ZNF219: variants seen among roughly 807,000 people sequenced by gnomAD.
ZNF219 encodes the protein zinc finger protein 219.
In ZNF219, 17 loss-of-function variants were observed where a neutral mutation model predicts 54.4. That is an observed-to-expected ratio of 0.31 (90% CI 0.21 to 0.47). The LOEUF (loss-of-function observed/expected upper bound fraction) is 0.47. Among genes scored for constraint, ZNF219 ranks in the 20% least tolerant of loss-of-function variants. The pLI is 1.00. For synonymous variants in ZNF219, 518 were observed against 476.4 expected (o/e 1.09, Z -1.14); for missense variants, 1,014 against 1,062.3 (o/e 0.95, Z 0.63).
In ZNF219 at chr14:21,091,010, C is replaced by T; in HGVS notation, c.1695G>A (p.Pro565=). 2 of 1,552,014 alleles carry T rather than the reference C, an allele frequency of 1.3e-6. No individual in the cohort carries two copies. The highest frequency in any genetic ancestry group is 8.7e-7 in the Non-Finnish European group (1 of 1,155,398). The change falls in exon 5 of 5, where the codon CCG becomes CCA. Residue 565 remains proline, a synonymous_variant. Transcript: ENST00000360947. ...GGGCCGAACCCCGCTGGGAAGGAGG[C>T]GGTGGCTCCGGGGGTGGCCCGGGGC... ...GAGPGPPPEP[P]PPSQRGSAPQ...
chr14:21,093,348 G>C, intron 2 of ZNF219, 58 bp from the exon 3 acceptor site: 1 of 1,516,136 alleles, frequency 6.6e-7, no homozygotes. Flanking sequence ...AAGGAAGCAA[G>C]GGCGTCGCCT....
chr14:21,092,155 T>G lies in ZNF219; in HGVS notation c.1142A>C (p.Tyr381Ser). 1 of 1,474,834 alleles carries G rather than the reference T, an allele frequency of 6.8e-7. No individual in the cohort carries two copies. Among genetic ancestry groups the G allele is most frequent in the Non-Finnish European group, 8.9e-7 (1 of 1,118,222 alleles). 91.4% of individuals were successfully genotyped at this position (1,474,834 alleles called of 1,614,324 possible). A position where few individuals can be genotyped will look rare whatever the true frequency, so the allele number is the denominator to read the frequency against. The change falls in exon 3 of 5, where the codon TAC becomes TCC. Residue 381 changes from tyrosine (Y) to serine (S), a missense_variant. Around this residue, in one of 5 missense-constraint regions of ZNF219, gnomAD observed 272 missense variants for 248.9 expected, o/e 1.09. Transcript: ENST00000360947. ...ERREPPSLLGYLSLRAGEGRP... is the reference protein window; with the variant it reads ...ERREPPSLLGSLSLRAGEGRP... The stretch of plus-strand genomic sequence containing the variant: ...GCCCTCGCCAGCTCGCAGGCTCAGG[T>G]AGCCCAAGAGGCTCGGGGGCTCACG...
chr14:21,090,482 G>C lies in ZNF219; in HGVS notation c.*54C>G. On this transcript the variant is annotated 3_prime_UTR_variant, in exon 5 of 5. Coordinates refer to ENST00000360947, the MANE Select transcript of ZNF219 (RefSeq NM_016423.3). The surrounding 1 kb of genome is among the most constrained non-coding windows in gnomAD (Gnocchi z 4.4). Reference sequence around the variant, plus strand: ...GCTTCTCTACCCAACTACCTCTAGCGCTCCCCCGCTCCGGCGGGGTAAGCT... The same window carrying C: ...GCTTCTCTACCCAACTACCTCTAGCCCTCCCCCGCTCCGGCGGGGTAAGCT... The C allele has an allele frequency of 1.3e-6, 2 of 1,529,132 alleles. No homozygotes were observed. Among genetic ancestry groups the C allele is most frequent in the East Asian group, 4.5e-5 (2 of 43,966 alleles). 94.7% of individuals were successfully genotyped at this position (1,529,132 alleles called of 1,614,324 possible).
chr14:21,101,291 T>A, upstream of ZNF219: 2 of 1,502,378 alleles, frequency 1.3e-6, no homozygotes, highest in South Asian at 2.4e-5. Flanking sequence ...ACAGAACCTA[T>A]AACGCATTTT....
chr14:21,095,463 C>T (rs926727155), intron 1 of ZNF219, among the ~76,000 whole-genome samples: 2 of 152,240 alleles, frequency 1.3e-5, no homozygotes, highest in African/African-American at 4.8e-5. Context: ...ATCACTTAAC[C>T]TCCCAGTTTA....
At chr14:21,091,584 C>G (rs757327906) in intron 3 of ZNF219, 42 bp from the exon 4 acceptor site, 2 of 1,572,236 alleles carry the variant, frequency 1.3e-6, no homozygotes, top group East Asian at 4.6e-5. Context: ...GGGCCCACAC[C>G]CTGTCCAGGT....
At position 21,091,483 on chromosome 14, in the gene ZNF219, T is replaced by G. The variant is rs1311728296; in HGVS notation, c.1492A>C (p.Lys498Gln). The change falls in exon 4 of 5, where the codon AAG becomes CAG. Residue 498 changes from lysine to glutamine, a missense_variant. Lys to Gln is a moderately conservative substitution (Grantham distance 53). This residue lies in a region of ZNF219 where 38 missense variants were observed against 67.3 expected (regional missense o/e 0.56). Transcript: ENST00000360947. ...GATTTTCCGCAGAAAGGACAATCCT[T>G]GCCGGTGGCGCCCCGGCCCCCTTCA... ...RPEGGRGATG[K>Q]DCPFCGKSFR... 1.4e-5 allele frequency: 22 copies of G among 1,610,086 alleles called. No homozygotes were observed. The highest frequency in any genetic ancestry group is 1.9e-5 in the Non-Finnish European group (22 of 1,177,146).
Position 21,098,338 on chromosome 14 carries a change from GGGCGGCGGCGGCGGCGGC to G in ZNF219, c.-128_-111del, listed in dbSNP as rs907341179. 8.0e-5 allele frequency: 19 copies of G among 238,924 alleles called. No individual in the cohort carries two copies. The highest frequency in any genetic ancestry group is 1.4e-4 in the South Asian group (1 of 7,404). The allele number at this position is 238,924 out of a possible 1,614,324, so 14.8% of individuals were successfully genotyped here. On this transcript the variant is annotated 5_prime_UTR_variant, in exon 1 of 5. Transcript: ENST00000360947. Reference sequence around the variant, plus strand: ...AGCCCCGGGCGGGCGGCGGCGGAGCGGGCGGCGGCGGCGGCGGCGGCGGCGGGCGGCGGGCCGGCGGCG... The same window carrying G: ...AGCCCCGGGCGGGCGGCGGCGGAGCGGGCGGCGGGCGGCGGGCCGGCGGCG...
At chr14:21,101,934 T>G, upstream of ZNF219, 1 of 1,551,636 alleles carries the variant, frequency 6.4e-7, no homozygotes, top group Non-Finnish European at 8.7e-7. Flanking sequence ...GAACTCTGAT[T>G]GTCACATGGC....
chr14:21,094,273 G>A (rs1446683260), intron 1 of ZNF219: 5 of 432,164 alleles, frequency 1.2e-5, no homozygotes, highest in African/African-American at 1.0e-4. Context: ...ACAGACAGAG[G>A]GGGAGGGGCA....
chr14:21,101,412 G>A, upstream of ZNF219: 1 of 1,551,610 alleles, frequency 6.4e-7, no homozygotes, highest in Non-Finnish European at 8.7e-7. Flanking sequence ...TACAACACTG[G>A]GCAAGGCACA....
chr14:21,101,254 G>A (rs1029283002), upstream of ZNF219: 17 of 1,212,532 alleles, frequency 1.4e-5, no homozygotes, highest in Middle Eastern at 1.9e-4. Context: ...TGAAAGATAC[G>A]TTGTTGCATG....
chr14:21,093,510 A>G (rs901383535), intron 2 of ZNF219, 76 bp downstream of exon 2: 15 of 1,529,668 alleles, frequency 9.8e-6, no homozygotes, highest in Non-Finnish European at 1.4e-5. Context: ...TGGGAGGTCA[A>G]AGAGAGAGAG....
chr14:21,093,146 G>T lies in ZNF219; in HGVS notation c.151C>A (p.Arg51Ser), dbSNP rs1462298682. 6.2e-7 allele frequency: 1 copy of T among 1,610,538 alleles called. No individual in the cohort carries two copies. Among genetic ancestry groups the T allele is most frequent in the Admixed American group, 1.7e-5 (1 of 59,900 alleles). Residue 51 changes from arginine (R) to serine (S), a missense_variant, in exon 3 of 5, where the codon CGT becomes AGT. By Grantham distance (110) the Arg-to-Ser change is moderately radical. This residue lies in a region of ZNF219 where 395 missense variants were observed against 415.1 expected (regional missense o/e 0.95). Transcript: ENST00000360947. The part of the protein sequence containing the change: ...GMGAVSWSES[R>S]AGERRFPCPV... ...CAGGGGAAGCGCCGTTCGCCTGCAC[G>T]ACTCTCAGACCAGCTCACCGCTCCC... is the stretch of plus-strand genomic sequence containing the variant.
In ZNF219 at chr14:21,092,215, A is replaced by G; in HGVS notation, c.1082T>C (p.Leu361Pro). 1.4e-6 allele frequency: 2 copies of G among 1,437,358 alleles called. No homozygotes were observed. Among genetic ancestry groups the G allele is most frequent in the Non-Finnish European group, 1.8e-6 (2 of 1,101,928 alleles). The allele number at this position is 1,437,358 out of a possible 1,614,324, so 89.0% of individuals were successfully genotyped here. ...CGGGGTGGGAGCCGGGGCCAAGAGG[A>G]GCGCTGGGCCCAACGGCTCATAGGC... ...LLAYEPLGPA[L>P]LLAPAPTPAE... Residue 361 changes from leucine (L) to proline (P), a missense_variant, in exon 3 of 5, where the codon CTC becomes CCC. Physicochemically the swap from Leu to Pro is moderately conservative, Grantham distance 98. This residue lies in a region of ZNF219 where 272 missense variants were observed against 248.9 expected (regional missense o/e 1.09). Coordinates refer to ENST00000360947, the MANE Select transcript of ZNF219 (RefSeq NM_016423.3).
upstream of ZNF219, chr14:21,103,366 A>T: frequency 6.9e-7 from 1 of 1,449,308 alleles, no homozygotes; most frequent in Non-Finnish European, 9.1e-7. Flanking sequence ...TTTTCACTCA[A>T]AGCAGGCCCT....
Position 21,092,922 on chromosome 14 carries a change from C to T in ZNF219, c.375G>A (p.Glu125=), listed in dbSNP as rs769888047. Residue 125 remains glutamate (E), a synonymous_variant, in exon 3 of 5, where the codon GAG becomes GAA. Coordinates refer to ENST00000360947, the MANE Select transcript of ZNF219 (RefSeq NM_016423.3). ...GTCGGGCCTCGCGTAGTAGCGCGCG[C>T]TCTTCCAACTCCAGCAACAGGCGTG... is the stretch of plus-strand genomic sequence containing the variant. ...PAARLLLELE[E]RALLREARLG... is the part of the protein sequence containing the mutation. 6.4e-7 allele frequency: 1 copy of T among 1,563,780 alleles called. No individual in the cohort carries two copies.
At chr14:21,093,823 C>G (rs1340780360) in intron 1 of ZNF219, 149 bp from the exon 2 acceptor site, 13 of 680,388 alleles carry the variant, frequency 1.9e-5, no homozygotes, top group South Asian at 1.5e-4. Context: ...GGCTGCTATA[C>G]TCAAAAACTG....
At chr14:21,097,208 A>G (rs1202460205) in intron 1 of ZNF219, 1 of 152,248 alleles carries the variant, frequency 6.6e-6, no homozygotes, top group Non-Finnish European at 1.5e-5. Context: ...GCCTTTTTAG[A>G]CTGAGATCTT....
Sources: gnomAD v4.1 joint callset for allele counts (sites outside exome capture counted in the v4.1 genomes callset) on GRCh38, gnomAD v4.1.1 for gene constraint, gnomAD v4.1.1 regional missense constraint, Gnocchi (gnomAD v3.1) non-coding constraint, MANE v1.5 for transcripts, NCBI Gene and HGNC (gene_info 2026-07-23, HGNC 2026-07-21) for gene names.